The following IL1RAPL1 variants were observed in gnomAD, a reference collection of about 807,000 sequenced individuals.
IL1RAPL1 encodes interleukin 1 receptor accessory protein like 1.
Under a neutral mutation model 48.4 loss-of-function variants are expected in IL1RAPL1, and 3 were observed. The ratio of observed to expected loss-of-function variants is 0.06; its 90% CI spans 0.03 to 0.16. IL1RAPL1 has a LOEUF of 0.16. Among genes scored for constraint, IL1RAPL1 ranks in the 10% least tolerant of loss-of-function variants. The pLI is 1.00. For synonymous variants in IL1RAPL1, 185 were observed against 187.7 expected (o/e 0.99, Z 0.12); for missense variants, 349 against 530.6 (o/e 0.66, Z 3.36).
chrX:29,678,932 T>C (rs1438608399), intron 6 of IL1RAPL1, among the ~76,000 whole-genome samples: 2 of 110,989 alleles, frequency 1.8e-5, no homozygotes, highest in African/African-American at 6.6e-5. Flanking sequence ...AGTGAATAAT[T>C]TTCTCTCCCT....
At chrX:29,058,159 A>G (rs1053495605) in intron 2 of IL1RAPL1, among the ~76,000 whole-genome samples, 1 of 110,384 alleles carries the variant, frequency 9.1e-6, no homozygotes, top group African/African-American at 3.3e-5. Context: ...GCGGATCACA[A>G]AGTCAGGAGA....
At chrX:29,631,596 T>C (rs1184871548) in intron 5 of IL1RAPL1, among the ~76,000 whole-genome samples, 1 of 112,016 alleles carries the variant, frequency 8.9e-6, no homozygotes, top group Non-Finnish European at 1.9e-5. Context: ...CATGATTTTA[T>C]ACCTATTTGA....
intron 5 of IL1RAPL1, among the ~76,000 whole-genome samples, chrX:29,569,913 A>G (rs1922541987): frequency 8.9e-6 from 1 of 112,013 alleles, no homozygotes; most frequent in Non-Finnish European, 1.9e-5. Flanking sequence ...TAAGTTTGTA[A>G]TTTAGAACCT....
At chrX:29,189,525 T>C (rs1270527287) in intron 2 of IL1RAPL1, among the ~76,000 whole-genome samples, 1 of 111,542 alleles carries the variant, frequency 9.0e-6, no homozygotes, top group African/African-American at 3.3e-5. Flanking sequence ...TCAGAAGAAT[T>C]ATATATTCAT....
At chrX:28,619,057 T>C (rs1456423981) in intron 1 of IL1RAPL1, among the ~76,000 whole-genome samples, 2 of 112,314 alleles carry the variant, frequency 1.8e-5, no homozygotes, top group Non-Finnish European at 3.8e-5. Context: ...CAGGTTCATT[T>C]GTAGACTCAA....
intron 3 of IL1RAPL1, among the ~76,000 whole-genome samples, chrX:29,391,099 G>A (rs1427074572): frequency 3.6e-5 from 4 of 109,814 alleles, no homozygotes; most frequent in Non-Finnish European, 7.6e-5. Context: ...GCTTGAACCC[G>A]GGAGGTGGAG....
chrX:29,048,034 A>G (rs971183061), intron 2 of IL1RAPL1, among the ~76,000 whole-genome samples: 6 of 111,141 alleles, frequency 5.4e-5, no homozygotes, highest in Admixed American at 1.9e-4. Context: ...CCTTAAGAGA[A>G]CTGTTATCTT....
intron 1 of IL1RAPL1, among the ~76,000 whole-genome samples, chrX:28,602,481 C>T (rs2146879312): frequency 8.9e-6 from 1 of 112,313 alleles, no homozygotes; most frequent in Admixed American, 9.4e-5. Context: ...ATTTTTTACT[C>T]AAGAGCTATG....
intron 2 of IL1RAPL1, among the ~76,000 whole-genome samples, chrX:29,276,084 A>T (rs1384701598): frequency 1.2e-4 from 14 of 112,121 alleles, no homozygotes; most frequent in Non-Finnish European, 2.3e-4. Flanking sequence ...CTGCCATCTA[A>T]CAGGCCTTCC....
chrX:28,835,128 T>C (rs1921172069), intron 2 of IL1RAPL1, among the ~76,000 whole-genome samples: 1 of 111,194 alleles, frequency 9.0e-6, no homozygotes, highest in Admixed American at 9.6e-5. Context: ...ATTCTGTTTG[T>C]TGCCAACATT....
chrX:29,455,736 G>A (rs187447645), intron 5 of IL1RAPL1, among the ~76,000 whole-genome samples: 9 of 111,225 alleles, frequency 8.1e-5, no homozygotes, highest in African/African-American at 2.9e-4. Flanking sequence ...ATATTGCATG[G>A]CATTTGTCTT....
chrX:29,662,592 A>G (rs1301891112), intron 5 of IL1RAPL1, among the ~76,000 whole-genome samples: 1 of 112,362 alleles, frequency 8.9e-6, no homozygotes, highest in Non-Finnish European at 1.9e-5. Context: ...TTGAATGAAT[A>G]AATGAATATT....
chrX:28,639,275 C>A (rs1488997623), intron 1 of IL1RAPL1, among the ~76,000 whole-genome samples: 1 of 111,549 alleles, frequency 9.0e-6, no homozygotes, highest in African/African-American at 3.3e-5. Context: ...ATTCATTAGT[C>A]CCCTTATTAT....
At chrX:29,299,118 C>T (rs922669137) in intron 3 of IL1RAPL1, among the ~76,000 whole-genome samples, 1 of 110,557 alleles carries the variant, frequency 9.0e-6, no homozygotes, top group Admixed American at 9.6e-5. Context: ...ACATCTTTCT[C>T]CCATGCTGGA....
intron 2 of IL1RAPL1, among the ~76,000 whole-genome samples, chrX:29,017,844 A>C (rs1356255818): frequency 1.8e-5 from 2 of 111,669 alleles, no homozygotes; most frequent in Non-Finnish European, 3.8e-5. Context: ...TCATTTTAAA[A>C]ATAGTTGATA....
At chrX:29,383,647 C>T (rs1933739546) in intron 3 of IL1RAPL1, among the ~76,000 whole-genome samples, 1 of 111,842 alleles carries the variant, frequency 8.9e-6, no homozygotes, top group African/African-American at 3.2e-5. Context: ...GTATTCAAGC[C>T]ATTCGTTATT....
At chrX:29,389,986 T>G (rs1933834355) in intron 3 of IL1RAPL1, among the ~76,000 whole-genome samples, 2 of 111,736 alleles carry the variant, frequency 1.8e-5, no homozygotes, top group African/African-American at 3.2e-5. Flanking sequence ...TTAAGAAAGA[T>G]AAGATATAAG....
intron 5 of IL1RAPL1, among the ~76,000 whole-genome samples, chrX:29,412,968 T>C (rs5929023): frequency 0.36 from 39,482 of 111,080 alleles, 6,067 homozygotes; most frequent in Middle Eastern, 0.54. Context: ...CTTGGTGATA[T>C]GGTTTGGCTA....
chrX:29,581,679 G>A (rs1922966437), intron 5 of IL1RAPL1, among the ~76,000 whole-genome samples: 1 of 110,751 alleles, frequency 9.0e-6, no homozygotes, highest in East Asian at 2.8e-4. Flanking sequence ...TCGAATTCTT[G>A]TAACACTTAA....
Sources: gnomAD v4.1 joint callset for allele counts (sites outside exome capture counted in the v4.1 genomes callset) on GRCh38, gnomAD v4.1.1 for gene constraint, MANE v1.5 for transcripts, NCBI Gene and HGNC (gene_info 2026-07-23, HGNC 2026-07-21) for gene names.